The following CDIPT variants were observed in gnomAD, a reference collection of about 807,000 sequenced individuals.
CDIPT encodes PI synthase.
In CDIPT, 17 loss-of-function variants were observed where a neutral mutation model predicts 21.6. The observed-to-expected ratio is 0.79, with a 90% CI of 0.54 to 1.18. The LOEUF is 1.18. Ranked by LOEUF, CDIPT falls within the 50% of genes most tolerant of loss-of-function variation. The pLI is 0.00. For synonymous variants in CDIPT, 119 were observed against 117.9 expected (o/e 1.01, Z -0.06); for missense variants, 254 against 284.9 (o/e 0.89, Z 0.78).
chr16:29,860,361 C>T (rs1259755051), intron 4 of CDIPT, among the ~76,000 whole-genome samples: 2 of 152,236 alleles, frequency 1.3e-5, no homozygotes, highest in African/African-American at 2.4e-5. Flanking sequence ...TCAGTCCCTT[C>T]TCTTTGCAGG....
At position 29,859,600 on chromosome 16, in the gene CDIPT, G is replaced by A. The variant is rs1239718477; in HGVS notation, c.415-77C>T. ...CCCTGCCCCCCCAGCACTAATGAAG[G>A]CACAATCTCGGCATATTACTTCTCT... On this transcript the variant is annotated intron_variant, in intron 4 of 5. Coordinates refer to ENST00000219789, the MANE Select transcript of CDIPT (RefSeq NM_006319.5). The surrounding 1 kb of genome is among the most constrained non-coding windows in gnomAD (Gnocchi z 4.5). 1 of 892,604 alleles carries A rather than the reference G, an allele frequency of 1.1e-6. No homozygotes were observed. The highest frequency in any genetic ancestry group is 2.2e-4 in the Middle Eastern group (1 of 4,616). 55.3% of individuals were successfully genotyped at this position (892,604 alleles called of 1,614,324 possible).
chr16:29,862,623 G>A lies in CDIPT; in HGVS notation c.141C>T (p.Asp47=), dbSNP rs2067692588. ...CGCGAGCAGCGTGTCCATCGAAAGC[G>A]TCCAGCAGGCCGCTGAGCAGGTAGA... ...SSFYLLSGLL[D]AFDGHAARAL... Residue 47 remains aspartate, a synonymous_variant, in exon 2 of 6, where the codon GAC becomes GAT. Coordinates refer to ENST00000219789, the MANE Select transcript of CDIPT (RefSeq NM_006319.5). This position sits in a 1 kb window ranked among gnomAD's most constrained non-coding sequence, Gnocchi z 6.7. 1.2e-6 allele frequency: 2 copies of A among 1,603,424 alleles called. No homozygotes were observed. Among genetic ancestry groups the A allele is most frequent in the Non-Finnish European group, 1.7e-6 (2 of 1,174,922 alleles).
At position 29,859,232 on chromosome 16, in the gene CDIPT, T is replaced by C; in HGVS notation, c.599A>G (p.Asn200Ser). 2 of 1,596,898 alleles carry C rather than the reference T, an allele frequency of 1.3e-6. No individual in the cohort carries two copies. The highest frequency in any genetic ancestry group is 1.7e-6 in the Non-Finnish European group (2 of 1,172,558). The change falls in exon 6 of 6, where the codon AAC becomes AGC. Residue 200 changes from asparagine (N) to serine (S), a missense_variant. Physicochemically the swap from Asn to Ser is conservative, Grantham distance 46. Transcript: ENST00000219789. This position sits in a 1 kb window ranked among gnomAD's most constrained non-coding sequence, Gnocchi z 4.5. Reference sequence around the variant, plus strand: ...GTCTGCTGCGTCCAGGGCAGCCATGTTGCGGGCGGCCGTGATCAGGTGGAT... The same window carrying C: ...GTCTGCTGCGTCCAGGGCAGCCATGCTGCGGGCGGCCGTGATCAGGTGGAT... ...SVIHLITAARNMAALDAADRA... is the reference protein window; with the variant it reads ...SVIHLITAARSMAALDAADRA...
rs1397709228 is a variant in CDIPT at position 29,862,047 on chromosome 16, CAG to C, written c.178+537_178+538del. Among the ~76,000 whole-genome samples, 3 of 152,270 alleles carry C rather than the reference CAG, an allele frequency of 2.0e-5. No homozygotes were observed. Among genetic ancestry groups the C allele is most frequent in the East Asian group, 3.9e-4 (2 of 5,184 alleles). Reference sequence around the variant, plus strand: ...CCCCTGGCCTGAATGGACTTGTATTCAGAGAGACCTCCAGCAGCGCCACCGCC... The same window carrying C: ...CCCCTGGCCTGAATGGACTTGTATTCAGAGACCTCCAGCAGCGCCACCGCC... On this transcript the variant is annotated intron_variant, in intron 2 of 5. Coordinates refer to ENST00000219789, the MANE Select transcript of CDIPT (RefSeq NM_006319.5). The surrounding 1 kb of genome is among the most constrained non-coding windows in gnomAD (Gnocchi z 6.7).
chr16:29,860,526 C>G, intron 4 of CDIPT, 55 bp downstream of exon 4: 1 of 1,191,602 alleles, frequency 8.4e-7, no homozygotes, highest in Non-Finnish European at 1.3e-6. Context: ...AGGATTCAGC[C>G]CAGGGCTTCC....
chr16:29,860,550 C>T, intron 4 of CDIPT, 31 bp downstream of exon 4: 2 of 1,454,234 alleles, frequency 1.4e-6, no homozygotes, highest in Non-Finnish European at 1.9e-6. Context: ...AGCCAAGAGC[C>T]TGAGGGGTGG....
chr16:29,861,414 G>C lies in CDIPT; in HGVS notation c.179-155C>G, dbSNP rs1475666073. 6.5e-6 allele frequency: 10 copies of C among 1,543,358 alleles called. 1 individual carries two copies. In the South Asian group the frequency reaches 1.2e-4, roughly 18 times the overall value. ...AGGCTAGAAAACAGGCTGTGTGTGA[G>C]GTCAGTGGGCAAAGGTCACCATGGC... is the stretch of plus-strand genomic sequence containing the variant. On this transcript the variant is annotated intron_variant, in intron 2 of 5. Coordinates refer to ENST00000219789, the MANE Select transcript of CDIPT (RefSeq NM_006319.5).
At position 29,861,377 on chromosome 16, in the gene CDIPT, G is replaced by A. The variant is rs188946767; in HGVS notation, c.179-118C>T. The A allele has an allele frequency of 2.5e-4, 382 of 1,553,250 alleles. No individual in the cohort carries two copies. The African/African-American group carries it at 4.8e-3, about 19-fold the overall frequency. ...GAAGACTGGAAGTGTCCGCCTGCCT[G>A]GGGAGGAACGCAGGCTAGAAAACAG... is the stretch of plus-strand genomic sequence containing the variant. On this transcript the variant is annotated intron_variant, in intron 2 of 5. Transcript: ENST00000219789.
intron 4 of CDIPT, among the ~76,000 whole-genome samples, chr16:29,860,347 G>A (rs997253367): frequency 4.6e-5 from 7 of 152,106 alleles, no homozygotes; most frequent in East Asian, 3.9e-4. Flanking sequence ...CTCCCTTCCC[G>A]CTTTCAGTCC....
rs2067673064 is a variant in CDIPT, at chr16:29,860,640, T to C, written c.355A>G (p.Ser119Gly). The C allele has an allele frequency of 3.1e-6, 5 of 1,611,938 alleles. No homozygotes were observed. Among genetic ancestry groups the C allele is most frequent in the African/African-American group, 1.3e-5 (1 of 74,848 alleles). The change falls in exon 4 of 6, where the codon AGT becomes GGT. Residue 119 changes from serine (S) to glycine (G), a missense_variant. By Grantham distance (56) the Ser-to-Gly change is moderately conservative. Transcript: ENST00000219789. ...CCGGACAAGTCGATCATCTTGTGAC[T>C]CTCACTGCCTCGGACCACAGAACTT... ...LHSSVVRGSESHKMIDLSGNP... is the reference protein window; with the variant it reads ...LHSSVVRGSEGHKMIDLSGNP...
chr16:29,861,738 GT>G (rs948369652), intron 2 of CDIPT: 6,506 of 420,562 alleles, frequency 0.015, no homozygotes, highest in South Asian at 0.022. Flanking sequence ...TTTGTTTTTT[GT>G]TTTTTTTTTT....
Position 29,860,624 on chromosome 16 carries a change from T to A in CDIPT, c.371A>T (p.Asp124Val), listed in dbSNP as rs368061228. Residue 124 changes from aspartate to valine, a missense_variant, in exon 4 of 6, where the codon GAC becomes GTC. Transcript: ENST00000219789. ...VRGSESHKMIDLSGNPVLRIY... is the reference protein window; with the variant it reads ...VRGSESHKMIVLSGNPVLRIY... The stretch of plus-strand genomic sequence containing the variant: ...CCGAAGCACCGGATTCCCGGACAAG[T>A]CGATCATCTTGTGACTCTCACTGCC... The A allele has an allele frequency of 1.7e-5, 28 of 1,613,224 alleles. No homozygotes were observed. The highest frequency in any genetic ancestry group is 2.3e-5 in the Non-Finnish European group (27 of 1,179,374).
intron 2 of CDIPT, chr16:29,861,679 G>A: frequency 1.6e-6 from 1 of 613,982 alleles, no homozygotes; most frequent in Non-Finnish European, 2.9e-6. Flanking sequence ...AACTGCTTAT[G>A]CAGGGCACAC....
chr16:29,860,609 G>A lies in CDIPT; in HGVS notation c.386C>T (p.Pro129Leu), dbSNP rs1048902011. 27 of 1,612,598 alleles carry A rather than the reference G, an allele frequency of 1.7e-5. No homozygotes were observed. Among genetic ancestry groups the A allele is most frequent in the Admixed American group, 3.3e-5 (2 of 59,942 alleles). The stretch of plus-strand genomic sequence containing the variant: ...CGAGGTGTAGTAGATCCGAAGCACC[G>A]GATTCCCGGACAAGTCGATCATCTT... Reference protein sequence around the residue: ...SHKMIDLSGNPVLRIYYTSRP... With the variant: ...SHKMIDLSGNLVLRIYYTSRP... Residue 129 changes from proline (P) to leucine (L), a missense_variant, in exon 4 of 6, where the codon CCG becomes CTG. Coordinates refer to ENST00000219789, the MANE Select transcript of CDIPT (RefSeq NM_006319.5).
In CDIPT at chr16:29,862,542, G is replaced by A. The variant is rs1255510661; in HGVS notation, c.178+44C>T. 3.2e-6 allele frequency: 5 copies of A among 1,548,320 alleles called. No homozygotes were observed. Among genetic ancestry groups the A allele is most frequent in the Non-Finnish European group, 4.4e-6 (5 of 1,144,468 alleles). ...CCGAGGAGGCAGGGGAAGGGAGGAG[G>A]GGATTGTTGAACCCCAAGGCTGGCT... On this transcript the variant is annotated intron_variant, in intron 2 of 5. Coordinates refer to ENST00000219789, the MANE Select transcript of CDIPT (RefSeq NM_006319.5). This position sits in a 1 kb window ranked among gnomAD's most constrained non-coding sequence, Gnocchi z 6.7.
Position 29,862,873 on chromosome 16 carries a change from G to A in CDIPT, c.-16C>T, listed in dbSNP as rs766767898. On this transcript the variant is annotated 5_prime_UTR_variant, in exon 1 of 6. Coordinates refer to ENST00000219789, the MANE Select transcript of CDIPT (RefSeq NM_006319.5). This position sits in a 1 kb window ranked among gnomAD's most constrained non-coding sequence, Gnocchi z 6.7. ...CGTCTGGCATCGCGGCGCCTCCCTTGCTGCCCCGGGCCTGCTCTGGAGATG... is the reference window on the plus strand; with the variant it reads ...CGTCTGGCATCGCGGCGCCTCCCTTACTGCCCCGGGCCTGCTCTGGAGATG... 1 of 1,613,210 alleles carries A rather than the reference G, an allele frequency of 6.2e-7. No homozygotes were observed. Among genetic ancestry groups the A allele is most frequent in the South Asian group, 1.1e-5 (1 of 91,050 alleles).
intron 2 of CDIPT, chr16:29,861,580 T>C: frequency 7.6e-7 from 1 of 1,322,668 alleles, no homozygotes; most frequent in African/African-American, 1.5e-5. Flanking sequence ...CAGTTGGGTC[T>C]GGAGAACAGA....
Position 29,862,820 on chromosome 16 carries a change from A to G in CDIPT, c.38T>C (p.Leu13Pro), listed in dbSNP as rs1321122216. Reference sequence around the variant, plus strand: ...GGGCCGTGGGCAGCACTCACCGATGAGGTTGGGCACGAACAGGAAGATATT... The same window carrying G: ...GGGCCGTGGGCAGCACTCACCGATGGGGTTGGGCACGAACAGGAAGATATT... The part of the protein sequence containing the change: ...DENIFLFVPN[L>P]IGYARIVFAI... Residue 13 changes from leucine (L) to proline (P), a missense_variant, in exon 1 of 6, where the codon CTC becomes CCC. Physicochemically the swap from Leu to Pro is moderately conservative, Grantham distance 98. Transcript: ENST00000219789. This position sits in a 1 kb window ranked among gnomAD's most constrained non-coding sequence, Gnocchi z 6.7. 1 of 1,614,036 alleles carries G rather than the reference A, an allele frequency of 6.2e-7. No homozygotes were observed. The highest frequency in any genetic ancestry group is 1.6e-4 in the Middle Eastern group (1 of 6,062).
In CDIPT at chr16:29,862,798, C is replaced by T. The variant is rs2067694667; in HGVS notation, c.43+17G>A. The T allele has an allele frequency of 1.8e-5, 29 of 1,613,992 alleles. No individual in the cohort carries two copies. The highest frequency in any genetic ancestry group is 2.3e-5 in the Non-Finnish European group (27 of 1,179,990). ...CCTCGCCCTCTCGTTCGGCCCGGGG[C>T]CGTGGGCAGCACTCACCGATGAGGT... On this transcript the variant is annotated intron_variant, in intron 1 of 5. Transcript: ENST00000219789. The surrounding 1 kb of genome is among the most constrained non-coding windows in gnomAD (Gnocchi z 6.7).
Sources: allele counts gnomAD v4.1 joint callset (sites outside exome capture counted in the v4.1 genomes callset), GRCh38; gene constraint gnomAD v4.1.1; non-coding constraint Gnocchi (gnomAD v3.1); transcripts MANE v1.5; gene names NCBI Gene and HGNC (gene_info 2026-07-23, HGNC 2026-07-21).